CLSTN2: variants seen among roughly 807,000 people sequenced by gnomAD.
CLSTN2 encodes calsyntenin 2.
Under a neutral mutation model 101.2 loss-of-function variants are expected in CLSTN2, and 48 were observed. The ratio of observed to expected loss-of-function variants is 0.47; its 90% CI spans 0.38 to 0.60. CLSTN2 has a LOEUF of 0.60. CLSTN2 is among the 20% of genes least tolerant of loss of function. CLSTN2 has a pLI of 0.00. For synonymous variants in CLSTN2, 481 were observed against 463.6 expected, an observed-to-expected ratio of 1.04 and a Z score of -0.48; for missense variants, 1,160 against 1,238.2, an observed-to-expected ratio of 0.94 and a Z score of 0.95.
At chr3:140,437,377 A>C (rs1334835183) in intron 5 of CLSTN2, among the ~76,000 whole-genome samples, 2 of 152,208 alleles carry the variant, frequency 1.3e-5, no homozygotes. Flanking sequence ...AGCCTCACAC[A>C]TGCTGAATCT....
chr3:140,332,394 C>A (rs2087392313), intron 2 of CLSTN2, among the ~76,000 whole-genome samples: 1 of 152,226 alleles, frequency 6.6e-6, no homozygotes, highest in African/African-American at 2.4e-5. Flanking sequence ...TGCTTATACT[C>A]AATGCTGCAA....
chr3:140,213,317 G>T (rs1412475815), intron 2 of CLSTN2, among the ~76,000 whole-genome samples: 1 of 152,132 alleles, frequency 6.6e-6, no homozygotes, highest in African/African-American at 2.4e-5. Flanking sequence ...AAGAAAATAT[G>T]TGATATGATA....
chr3:140,365,338 C>T lies in CLSTN2; in HGVS notation c.233-38291C>T, dbSNP rs570941507. 3.9e-5 allele frequency among the ~76,000 whole-genome samples: 6 copies of T among 152,140 alleles called. No homozygotes were observed. In the South Asian group the frequency reaches 1.2e-3, roughly 32 times the overall value. On this transcript the variant is annotated intron_variant, in intron 2 of 16. Coordinates refer to ENST00000458420, the MANE Select transcript of CLSTN2 (RefSeq NM_022131.3). ...TGAGCCAGGGCAGCTTTGAGCCAAG[C>T]AGAGGTGGCGTGCTAGGAGAAGATA... is the stretch of plus-strand genomic sequence containing the variant.
intron 2 of CLSTN2, among the ~76,000 whole-genome samples, chr3:140,235,155 G>A (rs367943936): frequency 3.9e-4 from 59 of 152,242 alleles, no homozygotes; most frequent in African/African-American, 1.2e-3. Flanking sequence ...CTAGCACATC[G>A]AAGTTTCAAA....
At chr3:140,223,983 A>G (rs9874481) in intron 2 of CLSTN2, among the ~76,000 whole-genome samples, 57,992 of 152,092 alleles carry the variant, frequency 0.38, 13,277 homozygotes, top group Non-Finnish European at 0.53. Flanking sequence ...TTCTCTCCAG[A>G]GAACTCTGGA....
intron 2 of CLSTN2, among the ~76,000 whole-genome samples, chr3:140,242,928 C>T (rs2086483290): frequency 6.6e-6 from 1 of 152,236 alleles, no homozygotes; most frequent in South Asian, 2.1e-4. Context: ...CACATGCGCT[C>T]ATGGCTACTG....
At chr3:140,084,592 A>G (rs1460185020) in intron 1 of CLSTN2, among the ~76,000 whole-genome samples, 2 of 152,186 alleles carry the variant, frequency 1.3e-5, no homozygotes, top group Admixed American at 6.5e-5. Flanking sequence ...TTGCTGTTTT[A>G]TGGTTATTTT....
At chr3:140,406,691 T>C (rs951718140) in intron 4 of CLSTN2, among the ~76,000 whole-genome samples, 6 of 152,230 alleles carry the variant, frequency 3.9e-5, no homozygotes, top group Non-Finnish European at 7.3e-5. Flanking sequence ...CCTCTGGGTT[T>C]CTTTTTCTGT....
At chr3:140,245,332 G>T (rs950393801) in intron 2 of CLSTN2, among the ~76,000 whole-genome samples, 2 of 152,166 alleles carry the variant, frequency 1.3e-5, no homozygotes, top group African/African-American at 4.8e-5. Context: ...TCAGGTGACT[G>T]CTTCTGTGCC....
chr3:140,488,559 A>G (rs1934282296), intron 8 of CLSTN2, among the ~76,000 whole-genome samples: 1 of 150,550 alleles, frequency 6.6e-6, no homozygotes, highest in African/African-American at 2.4e-5. Context: ...ACATGCAGAG[A>G]TAGACAGATG....
intron 8 of CLSTN2, among the ~76,000 whole-genome samples, chr3:140,511,776 C>A (rs1032242382): frequency 2.0e-5 from 3 of 150,280 alleles, no homozygotes; most frequent in African/African-American, 7.4e-5. Context: ...CCAGAATGGT[C>A]TCAATCTCCT....
At chr3:140,446,198 A>C (rs1164102007) in intron 5 of CLSTN2, among the ~76,000 whole-genome samples, 1 of 152,162 alleles carries the variant, frequency 6.6e-6, no homozygotes, top group Non-Finnish European at 1.5e-5. Flanking sequence ...ATTGCACTTG[A>C]GGCTTTTAGA....
intron 1 of CLSTN2, among the ~76,000 whole-genome samples, chr3:140,156,726 A>G (rs907282951): frequency 2.6e-5 from 4 of 152,048 alleles, no homozygotes; most frequent in African/African-American, 9.7e-5. Context: ...TGGTTTCATC[A>G]CCTCCTACTC....
chr3:140,384,650 A>G (rs568136659), intron 2 of CLSTN2, among the ~76,000 whole-genome samples: 2 of 152,316 alleles, frequency 1.3e-5, no homozygotes, highest in Admixed American at 1.3e-4. Flanking sequence ...CAGGCCTCTG[A>G]ACTTTTGTTT....
At chr3:140,559,750 C>G (rs1935872179) in intron 12 of CLSTN2, among the ~76,000 whole-genome samples, 1 of 152,150 alleles carries the variant, frequency 6.6e-6, no homozygotes, top group Non-Finnish European at 1.5e-5. Flanking sequence ...TGTGCTGGTG[C>G]CTCTGGTCCT....
At chr3:140,112,078 G>T (rs1472963198) in intron 1 of CLSTN2, among the ~76,000 whole-genome samples, 1 of 152,214 alleles carries the variant, frequency 6.6e-6, no homozygotes, top group Non-Finnish European at 1.5e-5. Context: ...TCAAAACCCA[G>T]TGAAAGAATT....
At chr3:140,534,802 G>A (rs1446971689) in intron 9 of CLSTN2, among the ~76,000 whole-genome samples, 2 of 152,208 alleles carry the variant, frequency 1.3e-5, no homozygotes, top group African/African-American at 2.4e-5. Context: ...AAGAAAAATT[G>A]AAAATATTGT....
intron 2 of CLSTN2, among the ~76,000 whole-genome samples, chr3:140,252,646 C>G (rs933567183): frequency 5.3e-5 from 8 of 152,208 alleles, no homozygotes; most frequent in Non-Finnish European, 1.0e-4. Context: ...TGTTGACAAG[C>G]TCTCTGGGTC....
chr3:140,240,363 G>C (rs1253281948), intron 2 of CLSTN2, among the ~76,000 whole-genome samples: 1 of 63,504 alleles, frequency 1.6e-5, no homozygotes, highest in African/African-American at 5.0e-5. Context: ...ATAGTACTGA[G>C]CTAGTTACAT....
Sources: gnomAD v4.1 joint callset for allele counts (sites outside exome capture counted in the v4.1 genomes callset) on GRCh38, gnomAD v4.1.1 for gene constraint, MANE v1.5 for transcripts, NCBI Gene and HGNC (gene_info 2026-07-23, HGNC 2026-07-21) for gene names.